The following DST variants were observed in gnomAD, a reference collection of about 807,000 sequenced individuals.
The protein encoded by DST is bullous pemphigoid antigen.
In DST, 253 loss-of-function variants were observed where a neutral mutation model predicts 875.2. That is an observed-to-expected ratio of 0.29 (90% CI 0.26 to 0.32). The LOEUF (loss-of-function observed/expected upper bound fraction) is 0.32. Among genes scored for constraint, DST ranks in the 10% least tolerant of loss-of-function variants. DST has a pLI of 1.00. For synonymous variants in DST, 3,124 were observed against 3,197.1 expected (o/e 0.98, Z 0.77); for missense variants, 8,287 against 9,111.6 (o/e 0.91, Z 3.68).
intron 4 of DST, among the ~76,000 whole-genome samples, chr6:56,844,301 C>T (rs2099804598): frequency 6.6e-6 from 1 of 152,162 alleles, no homozygotes; most frequent in Non-Finnish European, 1.5e-5. Flanking sequence ...CTGCCGAGTA[C>T]CAGCCTGCGG....
rs1310432337 is a variant in DST, at chr6:56,477,448, T to C, written c.21572A>G (p.Asn7191Ser). 1 of 1,614,026 alleles carries C rather than the reference T, an allele frequency of 6.2e-7. No homozygotes were observed. Among genetic ancestry groups the C allele is most frequent in the Admixed American group, 1.7e-5 (1 of 60,026 alleles). The change falls in exon 91 of 104, where the codon AAT becomes AGT. Residue 7191 changes from asparagine to serine, a missense_variant. By Grantham distance (46) the Asn-to-Ser change is conservative. This residue lies in a region of DST where 1,292 missense variants were observed against 1,552.7 expected (regional missense o/e 0.83). Transcript: ENST00000680361. ...GGTGTCGCCCATAGTGGTGGCTTTA[T>C]TTAGTTCAGCTCTCTTTTCTTCCAG... ...KKLEEKRAEL[N>S]KATTMGDTVL...
chr6:56,843,803 C>G (rs943886495), intron 4 of DST: 18 of 596,860 alleles, frequency 3.0e-5, no homozygotes, highest in Middle Eastern at 8.2e-4. Flanking sequence ...GTCAGCGCCC[C>G]GGCTGGCTCA....
chr6:56,474,026 A>G, intron 92 of DST, 24 bp from the exon 93 acceptor site: 1 of 1,558,672 alleles, frequency 6.4e-7, no homozygotes, highest in Non-Finnish European at 8.7e-7. Context: ...AATGATGTCA[A>G]TCAAATAAGA....
intron 61 of DST, among the ~76,000 whole-genome samples, chr6:56,550,669 G>T (rs1412206185): frequency 6.6e-6 from 1 of 152,200 alleles, no homozygotes; most frequent in African/African-American, 2.4e-5. Flanking sequence ...AAAGAGAAAT[G>T]AAGGTCTTTT....
At chr6:56,784,533 T>G (rs1013651253) in intron 4 of DST, among the ~76,000 whole-genome samples, 1 of 152,250 alleles carries the variant, frequency 6.6e-6, no homozygotes, top group Non-Finnish European at 1.5e-5. Context: ...CTGAGGCTTC[T>G]GCATTCTTCA....
At chr6:56,817,121 A>G (rs1339385280) in intron 4 of DST, among the ~76,000 whole-genome samples, 1 of 149,672 alleles carries the variant, frequency 6.7e-6, no homozygotes, top group Admixed American at 6.7e-5. Context: ...AGTAAATTAA[A>G]TTTTTTTTTT....
At chr6:56,587,706 A>T (rs370481027) in intron 49 of DST, among the ~76,000 whole-genome samples, 1 of 152,178 alleles carries the variant, frequency 6.6e-6, no homozygotes, top group Non-Finnish European at 1.5e-5. Flanking sequence ...GACTAACAGC[A>T]GATCTCTCGG....
At chr6:56,474,044 C>T (rs749557541) in intron 92 of DST, 42 bp from the exon 93 acceptor site, 4 of 1,529,552 alleles carry the variant, frequency 2.6e-6, no homozygotes, top group Non-Finnish European at 2.6e-6. Context: ...AGAGTTACTA[C>T]AGAAAACCGT....
At position 56,504,080 on chromosome 6, in the gene DST, C is replaced by G; in HGVS notation, c.19483G>C (p.Asp6495His). Residue 6495 changes from aspartate (D) to histidine (H), a missense_variant, in exon 78 of 104, where the codon GAT (aspartate) becomes CAT (histidine). By Grantham distance (81) the Asp-to-His change is moderately conservative. Coordinates refer to ENST00000680361, the MANE Select transcript of DST (RefSeq NM_001374736.1). The part of the protein sequence containing the change: ...DGLQAVFDWV[D>H]IAGGKLASMS... ...GAAGCTAATTTACCACCTGCAATAT[C>G]TACCCAGTCAAATACCGCCTGAAAG... is the stretch of plus-strand genomic sequence containing the variant. 1 of 1,609,316 alleles carries G rather than the reference C, an allele frequency of 6.2e-7. No individual in the cohort carries two copies. The highest frequency in any genetic ancestry group is 8.5e-7 in the Non-Finnish European group (1 of 1,177,928).
chr6:56,701,200 C>T (rs1001347949), intron 8 of DST, among the ~76,000 whole-genome samples: 4 of 151,934 alleles, frequency 2.6e-5, no homozygotes, highest in Non-Finnish European at 4.4e-5. Context: ...CTGACTCTCA[C>T]TGTCTTCAAT....
intron 90 of DST, among the ~76,000 whole-genome samples, chr6:56,480,840 T>C (rs2095377957): frequency 6.6e-6 from 1 of 152,174 alleles, no homozygotes; most frequent in African/African-American, 2.4e-5. Context: ...CTTTAAGTGG[T>C]GTCCAGCAAA....
At chr6:56,583,351 G>C (rs1213402029) in intron 49 of DST, among the ~76,000 whole-genome samples, 3 of 152,210 alleles carry the variant, frequency 2.0e-5, no homozygotes, top group Non-Finnish European at 2.9e-5. Flanking sequence ...GGCCAGTGAT[G>C]ATGAGCGTTT....
intron 32 of DST, among the ~76,000 whole-genome samples, chr6:56,628,817 A>C (rs903085085): frequency 5.9e-5 from 9 of 152,170 alleles, no homozygotes; most frequent in Non-Finnish European, 1.3e-4. Context: ...GAGAATTTTG[A>C]CTTTCTTGTA....
intron 2 of DST, among the ~76,000 whole-genome samples, chr6:56,941,515 C>T (rs1816582928): frequency 6.6e-6 from 1 of 152,174 alleles, no homozygotes; most frequent in Non-Finnish European, 1.5e-5. Context: ...CAGGGTCTCA[C>T]TCTGTCACCC....
chr6:56,615,365 C>G (rs2098603323), intron 36 of DST: 1 of 1,495,260 alleles, frequency 6.7e-7, no homozygotes, highest in Non-Finnish European at 8.9e-7. Context: ...AAAACTTACT[C>G]TATTTTGAGC....
intron 12 of DST, among the ~76,000 whole-genome samples, chr6:56,649,383 A>G (rs530017865): frequency 9.1e-4 from 139 of 152,260 alleles, no homozygotes; most frequent in Non-Finnish European, 1.7e-3. Context: ...AGAGAGATAC[A>G]TAATATAAAC....
intron 5 of DST, among the ~76,000 whole-genome samples, chr6:56,711,010 A>G (rs2099361093): frequency 6.8e-6 from 1 of 147,918 alleles, no homozygotes; most frequent in Non-Finnish European, 1.5e-5. Context: ...AATAATAGAG[A>G]GTTTTTTTTT....
chr6:56,758,478 A>G (rs1315443932), intron 4 of DST, among the ~76,000 whole-genome samples: 2 of 152,254 alleles, frequency 1.3e-5, no homozygotes, highest in African/African-American at 4.8e-5. Context: ...TTCAACTATG[A>G]AAACCAACCA....
intron 55 of DST, 35 bp from the exon 56 acceptor site, chr6:56,562,235 T>G: frequency 1.4e-6 from 2 of 1,424,008 alleles, no homozygotes; most frequent in Non-Finnish European, 9.5e-7. Context: ...AATCACAGTT[T>G]CATAGTATTT....
Sources: allele counts gnomAD v4.1 joint callset (sites outside exome capture counted in the v4.1 genomes callset), GRCh38; gene constraint gnomAD v4.1.1; regional missense constraint gnomAD v4.1.1; transcripts MANE v1.5; gene names NCBI Gene and HGNC (gene_info 2026-07-23, HGNC 2026-07-21).